Variants in CFAP299 observed in about 807,000 individuals in gnomAD.
CFAP299 encodes the protein cilia- and flagella-associated protein 299.
Under a neutral mutation model 27.0 loss-of-function variants are expected in CFAP299, and 21 were observed. The ratio of observed to expected loss-of-function variants is 0.78; its 90% CI spans 0.55 to 1.12. The LOEUF (loss-of-function observed/expected upper bound fraction) is 1.12, where lower values mean the gene tolerates loss of function less well. Among genes scored for constraint, CFAP299 ranks in the 50% most tolerant of loss-of-function variants. The probability of loss-of-function intolerance (pLI) is 0.00; values close to 1 mark genes in which losing one functional copy is unlikely to be tolerated. For synonymous variants in CFAP299, 104 were observed against 98.1 expected (o/e 1.06, Z -0.36); for missense variants, 310 against 276.6 (o/e 1.12, Z -0.86).
At chr4:80,548,444 G>T (rs1449624570) in intron 2 of CFAP299, among the ~76,000 whole-genome samples, 4 of 152,070 alleles carry the variant, frequency 2.6e-5, no homozygotes, top group African/African-American at 4.8e-5. Flanking sequence ...TACTATCCTC[G>T]CTACCTTGGC....
At chr4:80,469,986 T>C (rs141124754) in intron 2 of CFAP299, among the ~76,000 whole-genome samples, 1,871 of 152,208 alleles carry the variant, frequency 0.012, 21 homozygotes, top group Non-Finnish European at 0.018. Flanking sequence ...GTAAAAGAAC[T>C]CTGCTTAAGA....
intron 3 of CFAP299, among the ~76,000 whole-genome samples, chr4:80,845,203 T>A (rs757607875): frequency 5.1e-4 from 78 of 152,290 alleles, no homozygotes; most frequent in Non-Finnish European, 8.4e-4. Context: ...CCTCCAGCTT[T>A]GTTCTTTTGG....
chr4:80,524,887 T>A (rs1560607680), intron 2 of CFAP299, among the ~76,000 whole-genome samples: 1 of 152,122 alleles, frequency 6.6e-6, no homozygotes. Context: ...TGCATTCAGG[T>A]GTTGGCAGAG....
At chr4:80,956,130 A>C (rs1364273217) in intron 5 of CFAP299, among the ~76,000 whole-genome samples, 1 of 152,210 alleles carries the variant, frequency 6.6e-6, no homozygotes, top group Non-Finnish European at 1.5e-5. Flanking sequence ...CTCTACAAAC[A>C]AGCTTCTGAT....
At chr4:80,474,377 G>T (rs1249719824) in intron 2 of CFAP299, among the ~76,000 whole-genome samples, 3 of 152,042 alleles carry the variant, frequency 2.0e-5, no homozygotes, top group Non-Finnish European at 4.4e-5. Flanking sequence ...AACATTTAAA[G>T]GTAAGTAATG....
At chr4:80,858,689 G>A (rs1024970021) in intron 3 of CFAP299, among the ~76,000 whole-genome samples, 1 of 152,142 alleles carries the variant, frequency 6.6e-6, no homozygotes, top group African/African-American at 2.4e-5. Flanking sequence ...TCAGGAGCAG[G>A]TTGTTCAGTT....
intron 3 of CFAP299, among the ~76,000 whole-genome samples, chr4:80,780,144 A>G (rs1171629065): frequency 6.6e-6 from 1 of 151,944 alleles, no homozygotes; most frequent in Non-Finnish European, 1.5e-5. Flanking sequence ...CACATCTGCA[A>G]ATCCTACTTC....
intron 3 of CFAP299, among the ~76,000 whole-genome samples, chr4:80,866,772 G>T (rs1732772269): frequency 6.6e-6 from 1 of 152,154 alleles, no homozygotes; most frequent in East Asian, 1.9e-4. Context: ...CTCTCACAGA[G>T]CTGGAGAAGT....
chr4:80,746,541 G>A (rs1493177), intron 3 of CFAP299, among the ~76,000 whole-genome samples: 59,181 of 151,828 alleles, frequency 0.39, 15,473 homozygotes, highest in African/African-American at 0.74. Context: ...TTCTGGTTTT[G>A]GAGCAGTCTC....
intron 2 of CFAP299, among the ~76,000 whole-genome samples, chr4:80,441,292 G>A (rs1728344371): frequency 1.3e-5 from 2 of 152,132 alleles, no homozygotes; most frequent in Non-Finnish European, 2.9e-5. Context: ...AAAATGTTAA[G>A]GGCAGCCAGA....
At chr4:80,659,985 A>T (rs556280842) in intron 3 of CFAP299, among the ~76,000 whole-genome samples, 1 of 152,268 alleles carries the variant, frequency 6.6e-6, no homozygotes, top group Admixed American at 6.5e-5. Context: ...TTTTATGGGA[A>T]ATCTTGTAAT....
At chr4:80,818,839 A>G (rs1182875428) in intron 3 of CFAP299, among the ~76,000 whole-genome samples, 1 of 152,212 alleles carries the variant, frequency 6.6e-6, no homozygotes, top group Non-Finnish European at 1.5e-5. Flanking sequence ...TCTACTAAAC[A>G]GAATACTTAA....
intron 3 of CFAP299, among the ~76,000 whole-genome samples, chr4:80,677,676 T>C (rs1341770655): frequency 1.3e-5 from 2 of 152,078 alleles, no homozygotes; most frequent in Admixed American, 6.6e-5. Flanking sequence ...CATAAATATC[T>C]AGTGCAAACT....
At chr4:80,375,806 TG>T (rs1187695786) in intron 2 of CFAP299, among the ~76,000 whole-genome samples, 1 of 152,198 alleles carries the variant, frequency 6.6e-6, no homozygotes, top group Non-Finnish European at 1.5e-5. Flanking sequence ...GTTTACTCAG[TG>T]CTTTGTGTGG....
At chr4:80,869,617 G>A (rs918299002) in intron 3 of CFAP299, among the ~76,000 whole-genome samples, 2 of 152,088 alleles carry the variant, frequency 1.3e-5, no homozygotes, top group East Asian at 1.9e-4. Flanking sequence ...GGGTTCGAGC[G>A]ATTCCCCTGC....
At chr4:80,388,715 ATCTT>A in intron 2 of CFAP299, 1 of 703,962 alleles carries the variant, frequency 1.4e-6, no homozygotes, top group South Asian at 1.7e-5. Flanking sequence ...CACCTGCACC[ATCTT>A]GGAGCCCCTA....
intron 4 of CFAP299, among the ~76,000 whole-genome samples, chr4:80,926,575 A>G (rs1451773992): frequency 6.6e-6 from 1 of 151,732 alleles, no homozygotes; most frequent in Non-Finnish European, 1.5e-5. Context: ...GGAGAAGGAG[A>G]GGGAACAACC....
intron 2 of CFAP299, among the ~76,000 whole-genome samples, chr4:80,421,167 T>C (rs1400442842): frequency 6.6e-6 from 1 of 152,310 alleles, no homozygotes; most frequent in East Asian, 1.9e-4. Context: ...ACTCTCCAAT[T>C]CTGGGATCTC....
At chr4:80,714,102 T>C (rs1389393061) in intron 3 of CFAP299, among the ~76,000 whole-genome samples, 3 of 152,178 alleles carry the variant, frequency 2.0e-5, no homozygotes, top group Non-Finnish European at 2.9e-5. Context: ...ATCTATGATT[T>C]AATGCTGTCT....
Sources: allele counts gnomAD v4.1 joint callset (sites outside exome capture counted in the v4.1 genomes callset), GRCh38; gene constraint gnomAD v4.1.1; transcripts MANE v1.5; gene names NCBI Gene and HGNC (gene_info 2026-07-23, HGNC 2026-07-21).